Variants in SYNE2 observed in about 807,000 individuals in gnomAD.
The protein encoded by SYNE2 is nesprin-2.
In SYNE2, 431 loss-of-function variants were observed where a neutral mutation model predicts 856.3. The observed-to-expected ratio is 0.50, with a 90% CI of 0.47 to 0.55. The LOEUF (loss-of-function observed/expected upper bound fraction) is 0.55. Ranked by LOEUF, SYNE2 falls within the 20% of genes least tolerant of loss-of-function variation. The pLI, the probability that SYNE2 is intolerant of heterozygous loss-of-function variation, is 0.00. For synonymous variants in SYNE2, 2,923 were observed against 2,872.3 expected, an observed-to-expected ratio of 1.02 and a Z score of -0.56; for missense variants, 8,129 against 8,023.2, an observed-to-expected ratio of 1.01 and a Z score of -0.50.
intron 96 of SYNE2, among the ~76,000 whole-genome samples, chr14:64,185,128 C>T (rs745768922): frequency 5.5e-4 from 84 of 152,126 alleles, no homozygotes; most frequent in Non-Finnish European, 1.1e-3. Flanking sequence ...TGTGGTGGTG[C>T]GTGCCTATAG....
intron 1 of SYNE2, among the ~76,000 whole-genome samples, chr14:63,900,548 C>G (rs1267915448): frequency 1.3e-5 from 2 of 152,164 alleles, no homozygotes; most frequent in Non-Finnish European, 2.9e-5. Flanking sequence ...AATCACCCCC[C>G]ACTAGGTTCC....
intron 96 of SYNE2, among the ~76,000 whole-genome samples, chr14:64,184,476 G>A (rs895102598): frequency 6.6e-6 from 1 of 152,128 alleles, no homozygotes; most frequent in African/African-American, 2.4e-5. Context: ...AATATTGTAA[G>A]TATTCAAACC....
rs1486416332 is a variant in SYNE2 at position 64,130,029 on chromosome 14, C to T, written c.14140-19C>T. The T allele has an allele frequency of 1.2e-6, 2 of 1,613,426 alleles. No homozygotes were observed. Among genetic ancestry groups the T allele is most frequent in the Admixed American group, 3.3e-5 (2 of 60,010 alleles). The stretch of plus-strand genomic sequence containing the variant: ...GGTTGGATGAAAATGCATGTGTGCA[C>T]CTGCTCTTCTCTTTTCAGGATGTAC... On this transcript the variant is annotated intron_variant, in intron 75 of 115. Transcript: ENST00000555002.
chr14:63,787,626 C>T (rs1340702423), intron 1 of SYNE2, among the ~76,000 whole-genome samples: 1 of 152,190 alleles, frequency 6.6e-6, no homozygotes, highest in African/African-American at 2.4e-5. Context: ...CAGGTTGTCC[C>T]AGCAGGCCCT....
intron 45 of SYNE2, among the ~76,000 whole-genome samples, chr14:64,040,087 C>G (rs964020482): frequency 6.6e-6 from 1 of 152,156 alleles, no homozygotes; most frequent in African/African-American, 2.4e-5. Flanking sequence ...ACATGACAAT[C>G]AGTCTCTAAT....
chr14:64,033,592 G>A (rs1246157037), intron 45 of SYNE2, among the ~76,000 whole-genome samples: 1 of 152,056 alleles, frequency 6.6e-6, no homozygotes, highest in Non-Finnish European at 1.5e-5. Context: ...AGATTGAGGT[G>A]GGAGAATTGC....
At chr14:64,191,169 T>A (rs1248156856) in intron 99 of SYNE2, 2 of 360,454 alleles carry the variant, frequency 5.5e-6, no homozygotes, top group Non-Finnish European at 9.8e-6. Context: ...AAATTAAATT[T>A]ATTATTTAAA....
chr14:64,038,428 C>A (rs1382030653), intron 45 of SYNE2, among the ~76,000 whole-genome samples: 1 of 152,270 alleles, frequency 6.6e-6, no homozygotes, highest in Non-Finnish European at 1.5e-5. Flanking sequence ...CTCCTCACTT[C>A]CCAGACGGGG....
intron 1 of SYNE2, among the ~76,000 whole-genome samples, chr14:63,826,015 T>G (rs1889416090): frequency 6.6e-6 from 1 of 152,348 alleles, no homozygotes; most frequent in Admixed American, 6.5e-5. Context: ...AAACCTCAGC[T>G]GCCATTTTTA....
chr14:63,973,228 A>G (rs1361939163), intron 11 of SYNE2, among the ~76,000 whole-genome samples: 1 of 152,232 alleles, frequency 6.6e-6, no homozygotes, highest in Non-Finnish European at 1.5e-5. Context: ...CCTGGGAGAC[A>G]GAGTGAGACT....
At position 63,981,168 on chromosome 14, in the gene SYNE2, A is replaced by G; in HGVS notation, c.1831A>G (p.Lys611Glu). The change falls in exon 16 of 116, where the codon AAA (lysine) becomes GAA (glutamate). Residue 611 changes from lysine (K) to glutamate (E), a missense_variant. Lys to Glu is a moderately conservative substitution (Grantham distance 56). This residue lies in a region of SYNE2 where 2,422 missense variants were observed against 2,357.4 expected (regional missense o/e 1.03). Coordinates refer to ENST00000555002, the MANE Select transcript of SYNE2 (RefSeq NM_182914.3). ...TGAGGAGACAAAGAAGGAAGAAATT[A>G]AAGAGGTATTTGCAGTCTAATAGCA... Reference protein sequence around the residue: ...CFEETKKEEIKEVPFETLAQW... With the variant: ...CFEETKKEEIEEVPFETLAQW... 1 of 1,613,094 alleles carries G rather than the reference A, an allele frequency of 6.2e-7. No homozygotes were observed. Among genetic ancestry groups the G allele is most frequent in the Non-Finnish European group, 8.5e-7 (1 of 1,179,188 alleles).
chr14:64,126,756 C>T lies in SYNE2; in HGVS notation c.13866C>T (p.Val4622=). ...TGGAGCACACTCAGGCTGCAGCTGT[C>T]TGTAGAAGCAAGTCCCTGAAAGCTG... ...VCLEHTQAAA[V]CRSKSLKAGL... The change falls in exon 73 of 116, where the codon GTC becomes GTT. Residue 4622 remains valine (V), a synonymous_variant. Transcript: ENST00000555002. 1 of 1,614,118 alleles carries T rather than the reference C, an allele frequency of 6.2e-7. No individual in the cohort carries two copies. The highest frequency in any genetic ancestry group is 8.5e-7 in the Non-Finnish European group (1 of 1,180,046).
intron 87 of SYNE2, among the ~76,000 whole-genome samples, 198 bp from the exon 88 acceptor site, chr14:64,161,874 T>C (rs2153715142): frequency 6.6e-6 from 1 of 152,340 alleles, no homozygotes; most frequent in Admixed American, 6.5e-5. Context: ...TATTATAAAG[T>C]CAAGTAAATA....
rs181146678 is a variant in SYNE2 at position 63,934,423 on chromosome 14, C to T, written c.80-6191C>T. Among the ~76,000 whole-genome samples, 24 of 152,090 alleles carry T rather than the reference C, an allele frequency of 1.6e-4. No individual in the cohort carries two copies. In the East Asian group the frequency reaches 4.6e-3, roughly 29 times the overall value. ...CAGTTTACTCTCCGATTATGTGCTC[C>T]ATTTGAACAATCCAGTTAGAGCCCT... On this transcript the variant is annotated intron_variant, in intron 2 of 115. Transcript: ENST00000555002.
chr14:64,041,455 A>C (rs949177339), intron 45 of SYNE2, among the ~76,000 whole-genome samples: 4 of 152,196 alleles, frequency 2.6e-5, no homozygotes, highest in Non-Finnish European at 5.9e-5. Context: ...CAGAATACAA[A>C]AAAATAGCCC....
At chr14:64,172,693 A>G (rs2098416601) in intron 94 of SYNE2, among the ~76,000 whole-genome samples, 1 of 152,146 alleles carries the variant, frequency 6.6e-6, no homozygotes, top group Non-Finnish European at 1.5e-5. Context: ...ACACTTTGGG[A>G]GGCCGAGGTG....
intron 104 of SYNE2, 120 bp from the exon 105 acceptor site, chr14:64,212,690 AG>A: frequency 1.1e-6 from 1 of 883,854 alleles, no homozygotes; most frequent in East Asian, 2.6e-5. Flanking sequence ...CTAGAGTAGT[AG>A]GTGAAGGAAA....
intron 1 of SYNE2, among the ~76,000 whole-genome samples, chr14:63,777,700 G>T (rs374762065): frequency 6.6e-6 from 1 of 152,000 alleles, no homozygotes; most frequent in East Asian, 1.9e-4. Flanking sequence ...ACAGGGTCTC[G>T]CTCTGTCACC....
intron 1 of SYNE2, among the ~76,000 whole-genome samples, chr14:63,887,169 T>A (rs1485876958): frequency 2.0e-5 from 3 of 151,874 alleles, no homozygotes; most frequent in African/African-American, 7.3e-5. Context: ...TAGTCCCAGC[T>A]ATTGGGGAGG....
Sources: allele counts gnomAD v4.1 joint callset (sites outside exome capture counted in the v4.1 genomes callset), GRCh38; gene constraint gnomAD v4.1.1; regional missense constraint gnomAD v4.1.1; transcripts MANE v1.5; gene names NCBI Gene and HGNC (gene_info 2026-07-23, HGNC 2026-07-21).